KCNH7: variants seen among roughly 807,000 people sequenced by gnomAD.
KCNH7 encodes the protein voltage-gated inwardly rectifying potassium channel KCNH7.
In KCNH7, 49 loss-of-function variants were observed where a neutral mutation model predicts 120.8. The ratio of observed to expected loss-of-function variants is 0.41; its 90% CI spans 0.32 to 0.51. The LOEUF (loss-of-function observed/expected upper bound fraction) is 0.51. Among genes scored for constraint, KCNH7 ranks in the 20% least tolerant of loss-of-function variants. The pLI is 0.38. For missense variants in KCNH7, 1,097 were observed against 1,446.6 expected (o/e 0.76, Z 3.92); for synonymous variants, 547 against 516.1 (o/e 1.06, Z -0.81).
chr2:162,752,090 C>A (rs1688571811), intron 2 of KCNH7, among the ~76,000 whole-genome samples: 1 of 152,094 alleles, frequency 6.6e-6, no homozygotes, highest in South Asian at 2.1e-4. Context: ...ATGATTTTCT[C>A]ATCAATGTTT....
At chr2:162,599,791 T>G (rs1218253694) in intron 2 of KCNH7, among the ~76,000 whole-genome samples, 1 of 152,114 alleles carries the variant, frequency 6.6e-6, no homozygotes, top group Non-Finnish European at 1.5e-5. Flanking sequence ...TTTTATAAAG[T>G]CCAAATTACT....
chr2:162,550,919 GCA>G (rs1368759526), intron 2 of KCNH7, among the ~76,000 whole-genome samples: 1 of 143,632 alleles, frequency 7.0e-6, no homozygotes, highest in African/African-American at 2.6e-5. Flanking sequence ...TAATAATAAG[GCA>G]CTACATTTTT....
chr2:162,677,515 T>C (rs1685567681), intron 2 of KCNH7, among the ~76,000 whole-genome samples: 1 of 151,608 alleles, frequency 6.6e-6, no homozygotes, highest in Non-Finnish European at 1.5e-5. Flanking sequence ...CATGGAGTTG[T>C]AGTTTGTTCA....
At chr2:162,717,746 T>A (rs910638809) in intron 2 of KCNH7, among the ~76,000 whole-genome samples, 3 of 152,080 alleles carry the variant, frequency 2.0e-5, no homozygotes, top group African/African-American at 7.2e-5. Flanking sequence ...AGCGCCTGTT[T>A]TTCTACAGCT....
intron 6 of KCNH7, among the ~76,000 whole-genome samples, chr2:162,499,628 GC>G (rs1220748193): frequency 1.3e-5 from 2 of 152,130 alleles, no homozygotes; most frequent in African/African-American, 2.4e-5. Flanking sequence ...TTGAAGTCTT[GC>G]CTAACAAAAG....
chr2:162,789,120 T>G (rs305672), intron 2 of KCNH7, among the ~76,000 whole-genome samples: 1 of 152,036 alleles, frequency 6.6e-6, no homozygotes, highest in East Asian at 1.9e-4. Context: ...AGTTGCCTTA[T>G]AAAAATGCTA....
At chr2:162,757,067 G>T (rs970634195) in intron 2 of KCNH7, among the ~76,000 whole-genome samples, 1 of 152,090 alleles carries the variant, frequency 6.6e-6, no homozygotes, top group African/African-American at 2.4e-5. Flanking sequence ...CAAGGAAAAA[G>T]AATCTCTTGG....
At chr2:162,794,670 G>A (rs1280341396) in intron 2 of KCNH7, among the ~76,000 whole-genome samples, 1 of 151,946 alleles carries the variant, frequency 6.6e-6, no homozygotes, top group African/African-American at 2.4e-5. Context: ...GAAAGTCTCA[G>A]ACAAGTTTTA....
chr2:162,434,357 T>G (rs1386770288), intron 8 of KCNH7, among the ~76,000 whole-genome samples: 1 of 152,026 alleles, frequency 6.6e-6, no homozygotes, highest in Non-Finnish European at 1.5e-5. Flanking sequence ...GTAACAAACC[T>G]GTGCACATAC....
At chr2:162,421,685 T>G (rs1302034266) in intron 9 of KCNH7, among the ~76,000 whole-genome samples, 1 of 152,136 alleles carries the variant, frequency 6.6e-6, no homozygotes, top group African/African-American at 2.4e-5. Flanking sequence ...AGATAAATCT[T>G]TCATAAGTAC....
intron 2 of KCNH7, among the ~76,000 whole-genome samples, chr2:162,779,179 A>AG (rs1683377256): frequency 6.6e-6 from 1 of 151,482 alleles, no homozygotes; most frequent in Non-Finnish European, 1.5e-5. Context: ...GCCAGTCTTA[A>AG]TTTTTTTTGT....
intron 2 of KCNH7, among the ~76,000 whole-genome samples, chr2:162,575,952 A>C (rs1693655280): frequency 6.6e-6 from 1 of 152,094 alleles, no homozygotes; most frequent in Admixed American, 6.6e-5. Flanking sequence ...AATCTTTCAG[A>C]CAGCTGACTC....
chr2:162,725,756 TC>T (rs561815661), intron 2 of KCNH7, among the ~76,000 whole-genome samples: 15 of 152,278 alleles, frequency 9.9e-5, no homozygotes, highest in Admixed American at 4.6e-4. Context: ...AAATTTTGAA[TC>T]TATTCACAAT....
chr2:162,659,243 C>T (rs775463663), intron 2 of KCNH7, among the ~76,000 whole-genome samples: 2 of 151,522 alleles, frequency 1.3e-5, no homozygotes, highest in East Asian at 1.9e-4. Context: ...TCTTTTTTAG[C>T]TTGTTGATGT....
chr2:162,519,382 C>T (rs969033365), intron 3 of KCNH7, among the ~76,000 whole-genome samples: 3 of 151,726 alleles, frequency 2.0e-5, no homozygotes, highest in Non-Finnish European at 2.9e-5. Flanking sequence ...CAAGTTTAAA[C>T]TCCATGTGTT....
intron 2 of KCNH7, among the ~76,000 whole-genome samples, chr2:162,760,162 G>A (rs543856942): frequency 4.6e-5 from 7 of 152,042 alleles, no homozygotes; most frequent in East Asian, 1.9e-4. Flanking sequence ...AGTTTGAAAC[G>A]TGACATGTTC....
At chr2:162,596,322 A>G (rs1338946824) in intron 2 of KCNH7, among the ~76,000 whole-genome samples, 1 of 152,086 alleles carries the variant, frequency 6.6e-6, no homozygotes, top group East Asian at 1.9e-4. Context: ...AGTTATAGCA[A>G]TTAAAGCAGC....
intron 6 of KCNH7, among the ~76,000 whole-genome samples, chr2:162,471,671 T>G (rs185540347): frequency 1.6e-3 from 239 of 152,282 alleles, no homozygotes; most frequent in African/African-American, 5.5e-3. Flanking sequence ...CCCAAGGTAA[T>G]TTATAGATTC....
intron 6 of KCNH7, among the ~76,000 whole-genome samples, chr2:162,500,904 A>G (rs1574034552): frequency 6.6e-6 from 1 of 152,126 alleles, no homozygotes; most frequent in East Asian, 1.9e-4. Flanking sequence ...AACTAATGTT[A>G]AAAGTAGTGA....
Sources: gnomAD v4.1 joint callset for allele counts (sites outside exome capture counted in the v4.1 genomes callset) on GRCh38, gnomAD v4.1.1 for gene constraint, MANE v1.5 for transcripts, NCBI Gene and HGNC (gene_info 2026-07-23, HGNC 2026-07-21) for gene names.